The following PREX1 variants were observed in gnomAD, a reference collection of about 807,000 sequenced individuals.
PREX1 encodes phosphatidylinositol-3,4,5-trisphosphate dependent Rac exchange factor 1, also known as phosphatidylinositol 3,4,5-trisphosphate-dependent Rac exchanger 1 protein.
Under a neutral mutation model 198.3 loss-of-function variants are expected in PREX1, and 41 were observed. That is an observed-to-expected ratio of 0.21 (90% confidence interval 0.16 to 0.27). The LOEUF (loss-of-function observed/expected upper bound fraction) is 0.27, where lower values mean the gene tolerates loss of function less well. PREX1 is among the 10% of genes least tolerant of loss of function. The pLI is 1.00. For missense variants in PREX1, 1,620 were observed against 2,200.7 expected (o/e 0.74, Z 5.28); for synonymous variants, 843 against 887.2 (o/e 0.95, Z 0.89).
At chr20:48,773,266 CAA>C (rs55740822) in intron 1 of PREX1, among the ~76,000 whole-genome samples, 263 of 65,872 alleles carry the variant, frequency 4.0e-3, no homozygotes, top group Non-Finnish European at 4.5e-3. Context: ...GACTTGGTCT[CAA>C]AAAAAAAAAA....
In PREX1 at chr20:48,812,517, G is replaced by A. The variant is rs149293428; in HGVS notation, c.219+15125C>T. Among the ~76,000 whole-genome samples the A allele has an allele frequency of 9.1e-3, 1,378 of 151,530 alleles. 22 individuals are homozygous for A. Among genetic ancestry groups the A allele is most frequent in the African/African-American group, 0.03 (1,258 of 41,346 alleles). On this transcript the variant is annotated intron_variant, in intron 1 of 39. Transcript: ENST00000371941. ...TGGGTAAATAATATAAGAGGAATGG[G>A]TAAATAATAATTTTACTAGAATGCT...
rs527452729 is a variant in PREX1 at position 48,812,738 on chromosome 20, T to C, written c.219+14904A>G. Among the ~76,000 whole-genome samples, 8 of 152,296 alleles carry C rather than the reference T, an allele frequency of 5.3e-5. No individual in the cohort carries two copies. In the South Asian group the frequency reaches 1.7e-3, roughly 32 times the overall value. On this transcript the variant is annotated intron_variant, in intron 1 of 39. Transcript: ENST00000371941. ...CACACAGATGGAGCAGCTGGGCCAC[T>C]GACCACACAGCAGGCAGGCAGTCAG...
intron 1 of PREX1, among the ~76,000 whole-genome samples, chr20:48,791,924 C>T (rs1456224323): frequency 2.0e-5 from 3 of 152,208 alleles, no homozygotes; most frequent in Admixed American, 6.5e-5. Flanking sequence ...ATACCGGGCT[C>T]GAGTTCCCGC....
intron 29 of PREX1, 26 bp from the exon 30 acceptor site, chr20:48,639,920 C>G: frequency 6.2e-7 from 1 of 1,612,006 alleles, no homozygotes; most frequent in Non-Finnish European, 8.5e-7. Context: ...GGCATGAGGG[C>G]CAGGGAAGGG....
intron 36 of PREX1, 98 bp from the exon 37 acceptor site, chr20:48,629,719 C>T: frequency 1.5e-6 from 2 of 1,340,560 alleles, no homozygotes; most frequent in South Asian, 2.6e-5. Context: ...CCTTCTAATC[C>T]AGCTGTTCCT....
At chr20:48,749,077 G>A (rs1428073105) in intron 1 of PREX1, among the ~76,000 whole-genome samples, 2 of 152,138 alleles carry the variant, frequency 1.3e-5, no homozygotes, top group Admixed American at 6.5e-5. Context: ...CGTATGGGCT[G>A]AGAGAGTCAC....
the PREX1 span, among the ~76,000 whole-genome samples, chr20:48,841,883 T>C: frequency 1.3e-5 from 2 of 152,240 alleles, no homozygotes; most frequent in African/African-American, 4.8e-5. Context: ...CAGAAGTTAA[T>C]GAGGAACAAG....
rs2090516458 is a variant in PREX1 at position 48,827,767 on chromosome 20, A to G, written c.94T>C (p.Ser32Pro). The G allele has an allele frequency of 6.8e-6, 8 of 1,176,642 alleles. No homozygotes were observed. The highest frequency in any genetic ancestry group is 7.4e-6 in the Non-Finnish European group (7 of 945,452). 72.9% of individuals were successfully genotyped at this position (1,176,642 alleles called of 1,614,324 possible). Residue 32 changes from serine to proline, a missense_variant, in exon 1 of 40, where the codon TCC (serine) becomes CCC (proline). Around this residue, in one of 7 missense-constraint regions of PREX1, gnomAD observed 96 missense variants for 98.7 expected, o/e 0.97. Coordinates refer to ENST00000371941, the MANE Select transcript of PREX1 (RefSeq NM_020820.4). This position sits in a 1 kb window ranked among gnomAD's most constrained non-coding sequence, Gnocchi z 4.1. ...PRAPGAAAPS[S>P]GPGPCAAARE... ...GCGGCCGCGCACGGGCCGGGGCCGG[A>G]GCTGGGCGCCGCGGCGCCAGGGGCC...
intron 1 of PREX1, among the ~76,000 whole-genome samples, chr20:48,759,756 T>A (rs1205259695): frequency 6.6e-6 from 1 of 151,952 alleles, no homozygotes; most frequent in East Asian, 1.9e-4. Context: ...CTAACACACA[T>A]AACAAGCACT....
In PREX1 at chr20:48,639,839, G is replaced by A; in HGVS notation, c.3831C>T (p.Ser1277=). The part of the protein sequence containing the change: ...TIRGRSLIQI[S]IQEDPWNLPN... ...GGAGGTTCCAGGGGTCCTCCTGGAT[G>A]CTAATCTGGATCAGGCTCCGGCCAC... The change falls in exon 30 of 40, where the codon AGC becomes AGT. Residue 1277 remains serine (S), a synonymous_variant. Coordinates refer to ENST00000371941, the MANE Select transcript of PREX1 (RefSeq NM_020820.4). 2.5e-6 allele frequency: 4 copies of A among 1,613,972 alleles called. No homozygotes were observed. Among genetic ancestry groups the A allele is most frequent in the Non-Finnish European group, 3.4e-6 (4 of 1,179,856 alleles).
intron 1 of PREX1, among the ~76,000 whole-genome samples, chr20:48,801,642 G>A (rs34633219): frequency 0.17 from 25,581 of 152,146 alleles, 2,746 homozygotes; most frequent in Non-Finnish European, 0.23. Context: ...GTCTCTCCCC[G>A]GGGCTGTTGC....
intron 29 of PREX1, 41 bp downstream of exon 29, chr20:48,642,127 C>T (rs1231805741): frequency 1.3e-6 from 2 of 1,592,480 alleles, no homozygotes. Context: ...TAACACCCTT[C>T]CCCATCGCAG....
intron 22 of PREX1, 32 bp downstream of exon 22, chr20:48,651,364 G>A: frequency 1.9e-6 from 3 of 1,567,200 alleles, no homozygotes; most frequent in Non-Finnish European, 2.6e-6. Flanking sequence ...ATCCCCCAGG[G>A]TAGGGCAGGG....
At chr20:48,864,148 AG>A in the PREX1 span, among the ~76,000 whole-genome samples, 1 of 152,256 alleles carries the variant, frequency 6.6e-6, no homozygotes, top group African/African-American at 2.4e-5. Context: ...AAAATACAAG[AG>A]GACGCAGAGA....
At chr20:48,657,352 G>C (rs2089553027) in intron 17 of PREX1, among the ~76,000 whole-genome samples, 164 bp from the exon 18 acceptor site, 1 of 152,202 alleles carries the variant, frequency 6.6e-6, no homozygotes, top group South Asian at 2.1e-4. Flanking sequence ...GGGGCACAAG[G>C]GACCTGGTTC....
the PREX1 span, among the ~76,000 whole-genome samples, chr20:48,862,790 A>ATATATATATATATATAT: frequency 2.9e-5 from 3 of 102,582 alleles, no homozygotes; most frequent in African/African-American, 1.3e-4. Context: ...TAAAAAAAAA[A>ATATATATATATATATAT]ATATATATAT....
intron 31 of PREX1, 98 bp downstream of exon 31, chr20:48,637,613 T>C (rs543703937): frequency 5.1e-5 from 64 of 1,261,202 alleles, no homozygotes; most frequent in Non-Finnish European, 6.4e-5. Context: ...GGCCAAAGCG[T>C]TGCCTCCCCC....
chr20:48,837,529 C>T, the PREX1 span, among the ~76,000 whole-genome samples: 1 of 152,106 alleles, frequency 6.6e-6, no homozygotes, highest in Non-Finnish European at 1.5e-5. Flanking sequence ...GGAACGTGGA[C>T]GGAGCTGTAG....
rs1355656023 is a variant in PREX1 at position 48,745,154 on chromosome 20, G to A, written c.292-7C>T. On this transcript the variant is annotated splice_region_variant and splice_polypyrimidine_tract_variant and intron_variant, in intron 2 of 39. Coordinates refer to ENST00000371941, the MANE Select transcript of PREX1 (RefSeq NM_020820.4). The stretch of plus-strand genomic sequence containing the variant: ...CGATGTTCGAGAACAGGACCTGTGA[G>A]GAAAAGAGAGGCCAGAGGACAGCGT... 4 of 1,612,526 alleles carry A rather than the reference G, an allele frequency of 2.5e-6. No individual in the cohort carries two copies. Among genetic ancestry groups the A allele is most frequent in the Non-Finnish European group, 3.4e-6 (4 of 1,178,824 alleles).
Sources: allele counts gnomAD v4.1 joint callset (sites outside exome capture counted in the v4.1 genomes callset), GRCh38; gene constraint gnomAD v4.1.1; regional missense constraint gnomAD v4.1.1; non-coding constraint Gnocchi (gnomAD v3.1); transcripts MANE v1.5; gene names NCBI Gene and HGNC (gene_info 2026-07-23, HGNC 2026-07-21).